TBC1D5: variants seen among roughly 807,000 people sequenced by gnomAD.
TBC1D5 encodes the protein TBC1 domain family member 5.
In TBC1D5, 75 loss-of-function variants were observed where a neutral mutation model predicts 100.3. The ratio of observed to expected loss-of-function variants is 0.75; its 90% CI spans 0.62 to 0.91. The LOEUF (loss-of-function observed/expected upper bound fraction) is 0.91, where lower values mean the gene tolerates loss of function less well. Ranked by LOEUF, TBC1D5 falls within the 40% of genes least tolerant of loss-of-function variation. The probability of loss-of-function intolerance (pLI) is 0.00; values close to 1 mark genes in which losing one functional copy is unlikely to be tolerated. For missense variants in TBC1D5, 910 were observed against 942.4 expected, an observed-to-expected ratio of 0.97 and a Z score of 0.45; for synonymous variants, 323 against 325.6, an observed-to-expected ratio of 0.99 and a Z score of 0.09.
intron 2 of TBC1D5, among the ~76,000 whole-genome samples, chr3:17,604,555 T>C (rs2061210570): frequency 6.6e-6 from 1 of 152,236 alleles, no homozygotes; most frequent in Non-Finnish European, 1.5e-5. Flanking sequence ...CTTTTGACTA[T>C]GATTATACTC....
intron 13 of TBC1D5, among the ~76,000 whole-genome samples, chr3:17,324,620 G>A (rs543315412): frequency 1.3e-5 from 2 of 152,046 alleles, no homozygotes; most frequent in Non-Finnish European, 2.9e-5. Flanking sequence ...CTCTATCCTC[G>A]ACAACAGAGT....
intron 1 of TBC1D5, among the ~76,000 whole-genome samples, chr3:17,725,153 T>A (rs1560562157): frequency 6.6e-6 from 1 of 152,190 alleles, no homozygotes. Flanking sequence ...TGTTTCCTTG[T>A]GTGCTTGGTT....
At chr3:17,695,106 C>T (rs1452793829) in intron 1 of TBC1D5, among the ~76,000 whole-genome samples, 10 of 152,096 alleles carry the variant, frequency 6.6e-5, no homozygotes, top group South Asian at 4.1e-4. Context: ...GCACTAAACA[C>T]GGAAAGAAAC....
At chr3:17,491,363 G>A (rs1285760984) in intron 3 of TBC1D5, among the ~76,000 whole-genome samples, 1 of 152,196 alleles carries the variant, frequency 6.6e-6, no homozygotes. Context: ...TAGGAGTGGT[G>A]AGAGAGGGTG....
intron 18 of TBC1D5, among the ~76,000 whole-genome samples, chr3:17,199,002 C>T (rs2071095975): frequency 6.6e-6 from 1 of 152,148 alleles, no homozygotes; most frequent in Non-Finnish European, 1.5e-5. Context: ...GCATTTTCCG[C>T]TACATGTAGC....
chr3:17,422,091 CTCT>C (rs2094219999), intron 4 of TBC1D5, among the ~76,000 whole-genome samples: 1 of 152,112 alleles, frequency 6.6e-6, no homozygotes, highest in South Asian at 2.1e-4. Flanking sequence ...TCAGGTTGGT[CTCT>C]ATCATCTTTC....
At chr3:17,366,646 A>C (rs73145900) in intron 13 of TBC1D5, among the ~76,000 whole-genome samples, 13,654 of 152,140 alleles carry the variant, frequency 0.09, 1,409 homozygotes, top group African/African-American at 0.25. Flanking sequence ...AACTGTGTTT[A>C]GGAAGTTCTT....
intron 4 of TBC1D5, among the ~76,000 whole-genome samples, chr3:17,425,612 G>C (rs1047553621): frequency 6.6e-6 from 1 of 152,158 alleles, no homozygotes; most frequent in Non-Finnish European, 1.5e-5. Flanking sequence ...CTGGGTGACA[G>C]AGTGAGACCC....
At chr3:17,548,079 C>T (rs1448713463) in intron 2 of TBC1D5, among the ~76,000 whole-genome samples, 1 of 152,092 alleles carries the variant, frequency 6.6e-6, no homozygotes, top group African/African-American at 2.4e-5. Flanking sequence ...TTTTGGGAGG[C>T]CAAGGTGGGT....
intron 2 of TBC1D5, among the ~76,000 whole-genome samples, chr3:17,571,697 T>C (rs1372341019): frequency 6.6e-6 from 1 of 152,042 alleles, no homozygotes; most frequent in Non-Finnish European, 1.5e-5. Context: ...CTACACCTAA[T>C]TTCCTGAAGG....
intron 1 of TBC1D5, among the ~76,000 whole-genome samples, chr3:17,649,636 G>A (rs937739250): frequency 1.3e-5 from 2 of 152,124 alleles, no homozygotes; most frequent in East Asian, 1.9e-4. Flanking sequence ...TAAAAAGTCA[G>A]GAAACAACAG....
chr3:17,179,094 C>T (rs1352618436), intron 19 of TBC1D5, among the ~76,000 whole-genome samples: 1 of 152,214 alleles, frequency 6.6e-6, no homozygotes, highest in Non-Finnish European at 1.5e-5. Flanking sequence ...ACTATAGGCA[C>T]GTGCCTCCAA....
chr3:17,651,284 G>C (rs2065526239), intron 1 of TBC1D5, among the ~76,000 whole-genome samples: 2 of 151,900 alleles, frequency 1.3e-5, no homozygotes, highest in African/African-American at 2.4e-5. Flanking sequence ...TTTCCAAGAA[G>C]AGAAAACAGA....
At chr3:17,418,764 G>GT (rs2094142580) in intron 4 of TBC1D5, among the ~76,000 whole-genome samples, 1 of 152,132 alleles carries the variant, frequency 6.6e-6, no homozygotes, top group Non-Finnish European at 1.5e-5. Context: ...GTCTTCATAG[G>GT]TAAGGGCATA....
intron 3 of TBC1D5, among the ~76,000 whole-genome samples, chr3:17,475,906 A>T (rs2095432804): frequency 6.6e-6 from 1 of 152,096 alleles, no homozygotes; most frequent in African/African-American, 2.4e-5. Context: ...GTTTCTTCAC[A>T]CGGTGGCAAA....
intron 3 of TBC1D5, among the ~76,000 whole-genome samples, chr3:17,442,522 T>G (rs966928639): frequency 6.6e-6 from 1 of 152,188 alleles, no homozygotes; most frequent in African/African-American, 2.4e-5. Flanking sequence ...CCAGACACAG[T>G]GTGTGGGGTA....
rs559721196 is a variant in TBC1D5, at chr3:17,691,190, T to A, written c.-101+48153A>T. 8.3e-4 allele frequency among the ~76,000 whole-genome samples: 126 copies of A among 152,286 alleles called. 3 individuals are homozygous for A. In the South Asian group the frequency reaches 0.025, roughly 30 times the overall value. On this transcript the variant is annotated intron_variant, in intron 1 of 21. Coordinates refer to ENST00000253692, the Ensembl canonical transcript of TBC1D5. ...GTTGGTGCTCTCAAGGGGTACATCC[T>A]CATGTTAACAGCAATGAGGAACCAC...
At chr3:17,547,050 C>G (rs2096423814) in intron 2 of TBC1D5, 1 of 152,104 alleles carries the variant, frequency 6.6e-6, no homozygotes, top group South Asian at 2.1e-4. Context: ...AGTAGCAGAT[C>G]TAGGTGTAAT....
chr3:17,625,695 C>T (rs2062991421), intron 1 of TBC1D5, among the ~76,000 whole-genome samples: 1 of 151,964 alleles, frequency 6.6e-6, no homozygotes, highest in South Asian at 2.1e-4. Context: ...CATTAACTTT[C>T]TATGGTTATT....
Sources: allele counts gnomAD v4.1 joint callset (sites outside exome capture counted in the v4.1 genomes callset), GRCh38; gene constraint gnomAD v4.1.1; transcripts MANE v1.5; gene names NCBI Gene and HGNC (gene_info 2026-07-23, HGNC 2026-07-21).